LAMB4: variants seen among roughly 807,000 people sequenced by gnomAD.
LAMB4 encodes laminin subunit beta-4.
Under a neutral mutation model 199.2 loss-of-function variants are expected in LAMB4, and 196 were observed. The observed-to-expected ratio is 0.98, with a 90% confidence interval of 0.88 to 1.11. The LOEUF is 1.11. Among genes scored for constraint, LAMB4 ranks in the 50% least tolerant of loss-of-function variants. The pLI is 0.00. For missense variants in LAMB4, 2,080 were observed against 2,171.2 expected (o/e 0.96, Z 0.83); for synonymous variants, 744 against 770.6 (o/e 0.97, Z 0.57).
chr7:108,030,628 C>T (rs943603485), intron 32 of LAMB4, among the ~76,000 whole-genome samples, 178 bp downstream of exon 32: 2 of 152,202 alleles, frequency 1.3e-5, no homozygotes, highest in South Asian at 4.1e-4. Context: ...CCAGGGACTT[C>T]TGCCTTCTAC....
intron 24 of LAMB4, 38 bp downstream of exon 24, chr7:108,057,794 G>T (rs920697341): frequency 1.5e-6 from 2 of 1,334,294 alleles, no homozygotes; most frequent in African/African-American, 1.4e-5. Flanking sequence ...GGGCCAGGCT[G>T]ACTGTACGCA....
At chr7:108,109,762 G>C (rs1283182669) in intron 4 of LAMB4, among the ~76,000 whole-genome samples, 1 of 152,128 alleles carries the variant, frequency 6.6e-6, no homozygotes, top group Non-Finnish European at 1.5e-5. Context: ...CTGAGGCGGT[G>C]GTAGAGGTAG....
At chr7:108,063,550 G>A (rs1401731548) in intron 22 of LAMB4, among the ~76,000 whole-genome samples, 1 of 152,232 alleles carries the variant, frequency 6.6e-6, no homozygotes, top group Non-Finnish European at 1.5e-5. Flanking sequence ...AATAACACCA[G>A]TGAGAACATT....
chr7:108,027,107 G>A (rs1236681371), intron 33 of LAMB4, among the ~76,000 whole-genome samples: 1 of 152,086 alleles, frequency 6.6e-6, no homozygotes, highest in Admixed American at 6.5e-5. Flanking sequence ...TTCTCCCCAT[G>A]TTTTTACTCC....
At chr7:108,018,997 T>A (rs1475446146), downstream of LAMB4, among the ~76,000 whole-genome samples, 2 of 152,144 alleles carry the variant, frequency 1.3e-5, no homozygotes, top group Admixed American at 1.3e-4. Flanking sequence ...TTCATGTGCA[T>A]GGGGATAGCC....
chr7:108,012,020 G>C, the LAMB4 span, among the ~76,000 whole-genome samples: 1 of 151,376 alleles, frequency 6.6e-6, no homozygotes, highest in Non-Finnish European at 1.5e-5. Context: ...AGGAAGCATA[G>C]CAAATGTTAA....
intron 14 of LAMB4, among the ~76,000 whole-genome samples, chr7:108,085,309 A>G (rs1415560640): frequency 2.0e-5 from 3 of 152,360 alleles, no homozygotes; most frequent in Admixed American, 6.5e-5. Flanking sequence ...GACAATGTGA[A>G]TATGAATACA....
the LAMB4 span, among the ~76,000 whole-genome samples, chr7:108,012,735 CA>C: frequency 1.3e-5 from 2 of 152,218 alleles, no homozygotes; most frequent in African/African-American, 4.8e-5. Context: ...TCTTAGTCAG[CA>C]ATCTGGCCCT....
At chr7:108,112,316 ATT>A (rs148022175) in intron 3 of LAMB4, among the ~76,000 whole-genome samples, 58,145 of 146,570 alleles carry the variant, frequency 0.4, 11,462 homozygotes, top group Non-Finnish European at 0.43. Flanking sequence ...TTTGCTTAGG[ATT>A]TTTTTTTTTT....
At position 108,037,493 on chromosome 7, in the gene LAMB4, AT is replaced by A. The variant is rs754354258; in HGVS notation, c.4573del (p.Ile1525TyrfsTer18). 1.2e-6 allele frequency: 2 copies of A among 1,614,060 alleles called. No homozygotes were observed. Among genetic ancestry groups the A allele is most frequent in the Non-Finnish European group, 1.7e-6 (2 of 1,179,958 alleles). On this transcript the variant is annotated frameshift_variant, in exon 30 of 34. Transcript: ENST00000388781. LOFTEE classifies it high-confidence loss of function. The stretch of plus-strand genomic sequence containing the variant: ...CTCACAGAGTTGCATATGTTTCTGT[AT>A]TTTGACAAGTTCATCGGTTAGATTT... ...SQNLTDELVK[I>X]QKHMQLCEDY...
rs369251543 is a variant in LAMB4, at chr7:108,066,645, G to A, written c.2447-45C>T. On this transcript the variant is annotated intron_variant, in intron 19 of 33. Coordinates refer to ENST00000388781, the MANE Select transcript of LAMB4 (RefSeq NM_007356.3). ...GTATGCTGGAGCGGGGATGAGTGGT[G>A]TGTGGTGGTGAAAGAGTTACAGTTC... 8 of 1,266,560 alleles carry A rather than the reference G, an allele frequency of 6.3e-6. No individual in the cohort carries two copies. In the African/African-American group the frequency reaches 7.4e-5, roughly 12 times the overall value. The allele number at this position is 1,266,560 out of a possible 1,614,324, so 78.5% of individuals were successfully genotyped here.
chr7:108,111,220 C>G (rs1450314517), intron 4 of LAMB4, among the ~76,000 whole-genome samples: 1 of 152,164 alleles, frequency 6.6e-6, no homozygotes, highest in Non-Finnish European at 1.5e-5. Context: ...CTGATCAAGT[C>G]CACATTTATA....
chr7:108,065,535 TA>T (rs2036306014), intron 21 of LAMB4, among the ~76,000 whole-genome samples: 1 of 152,224 alleles, frequency 6.6e-6, no homozygotes, highest in Non-Finnish European at 1.5e-5. Context: ...TCTAGAACAT[TA>T]TTTGCAAACA....
chr7:108,104,722 TC>T lies in LAMB4; in HGVS notation c.871-104del. 4 of 1,286,492 alleles carry T rather than the reference TC, an allele frequency of 3.1e-6. No individual in the cohort carries two copies. In the African/African-American group the frequency reaches 4.5e-5, roughly 14 times the overall value. The allele number at this position is 1,286,492 out of a possible 1,614,324, so 79.7% of individuals were successfully genotyped here. A position where few individuals can be genotyped will look rare whatever the true frequency, so the allele number is the denominator to read the frequency against. ...ATACCAGGTCCTGGTACCTCTCTGA[TC>T]CTTAGTTTCCCATATGTTAATTACA... is the stretch of plus-strand genomic sequence containing the variant. On this transcript the variant is annotated intron_variant, in intron 8 of 33. Coordinates refer to ENST00000388781, the MANE Select transcript of LAMB4 (RefSeq NM_007356.3).
intron 5 of LAMB4, 116 bp downstream of exon 5, chr7:108,109,055 G>A (rs2038125785): frequency 1.3e-6 from 1 of 772,726 alleles, no homozygotes; most frequent in Admixed American, 2.1e-5. Flanking sequence ...CAAAGGTCAA[G>A]TCTGAACTTA....
intron 4 of LAMB4, among the ~76,000 whole-genome samples, chr7:108,111,521 A>C (rs445661): frequency 0.39 from 59,800 of 151,604 alleles, 12,038 homozygotes; most frequent in Non-Finnish European, 0.42. Flanking sequence ...TCTTCTTATT[A>C]TTATTTTTTT....
intron 31 of LAMB4, among the ~76,000 whole-genome samples, chr7:108,031,348 GAAAAAA>G (rs1225770663): frequency 6.7e-5 from 2 of 29,630 alleles, no homozygotes; most frequent in Admixed American, 7.9e-4. Flanking sequence ...AAAAAAAAAA[GAAAAAA>G]AAGAAAAAGG....
chr7:108,114,536 G>C (rs1367111729), intron 3 of LAMB4, among the ~76,000 whole-genome samples: 1 of 152,176 alleles, frequency 6.6e-6, no homozygotes, highest in Admixed American at 6.5e-5. Flanking sequence ...TAATTTCCTT[G>C]CACATGCAGA....
intron 32 of LAMB4, 108 bp from the exon 33 acceptor site, chr7:108,029,304 A>C: frequency 1.2e-6 from 1 of 857,532 alleles, no homozygotes; most frequent in Non-Finnish European, 1.7e-6. Flanking sequence ...AGGAAACCTT[A>C]ATCCAGTCAA....
Sources: gnomAD v4.1 joint callset for allele counts (sites outside exome capture counted in the v4.1 genomes callset) on GRCh38, gnomAD v4.1.1 for gene constraint, MANE v1.5 for transcripts, NCBI Gene and HGNC (gene_info 2026-07-23, HGNC 2026-07-21) for gene names.